STIMATE: variants seen among roughly 807,000 people sequenced by gnomAD.
STIMATE encodes STIM activating enhancer.
A neutral mutation model predicts 36.7 loss-of-function variants in STIMATE; 15 were observed. That is an observed-to-expected ratio of 0.41 (90% CI 0.27 to 0.63). STIMATE has a LOEUF of 0.63. STIMATE is among the 20% of genes least tolerant of loss of function. The pLI, the probability that STIMATE is intolerant of heterozygous loss-of-function variation, is 0.32. For missense variants in STIMATE, 305 were observed against 397.3 expected (o/e 0.77, Z 1.98); for synonymous variants, 163 against 162.3 (o/e 1.00, Z -0.03).
chr3:52,897,212 G>A (rs1361108436), intron 1 of STIMATE, 79 bp downstream of exon 1: 3 of 1,502,998 alleles, frequency 2.0e-6, no homozygotes, highest in Middle Eastern at 2.0e-4. Context: ...TGAACTCTCC[G>A]CGCAGGAGGG....
chr3:52,893,858 G>A (rs1431420915), intron 1 of STIMATE, among the ~76,000 whole-genome samples: 5 of 152,150 alleles, frequency 3.3e-5, no homozygotes, highest in Non-Finnish European at 5.9e-5. Flanking sequence ...GACTGTGCAC[G>A]GTGAGGGAGG....
At chr3:52,853,241 AG>A (rs1456716636) in intron 2 of STIMATE, among the ~76,000 whole-genome samples, 6 of 152,234 alleles carry the variant, frequency 3.9e-5, no homozygotes, top group African/African-American at 1.4e-4. Context: ...CTGCCGCTAG[AG>A]AATGATGCAG....
chr3:52,858,446 G>A (rs1325467223), intron 1 of STIMATE, among the ~76,000 whole-genome samples: 1 of 151,952 alleles, frequency 6.6e-6, no homozygotes, highest in Non-Finnish European at 1.5e-5. Context: ...AACACCGTGA[G>A]ACTCCATCCT....
intron 1 of STIMATE, among the ~76,000 whole-genome samples, chr3:52,889,198 G>T (rs1186556235): frequency 6.6e-6 from 1 of 152,208 alleles, no homozygotes; most frequent in African/African-American, 2.4e-5. Flanking sequence ...CTATCCTGCC[G>T]TAGTAGGTAC....
At chr3:52,869,569 T>C (rs1701367105) in intron 1 of STIMATE, among the ~76,000 whole-genome samples, 1 of 152,236 alleles carries the variant, frequency 6.6e-6, no homozygotes, top group African/African-American at 2.4e-5. Context: ...CCAAAGTCTC[T>C]TATGCACATC....
At chr3:52,860,298 G>A (rs1047725643) in intron 1 of STIMATE, among the ~76,000 whole-genome samples, 1 of 152,098 alleles carries the variant, frequency 6.6e-6, no homozygotes, top group Non-Finnish European at 1.5e-5. Context: ...GCCAAGCATG[G>A]AGGTAAACAC....
At chr3:52,886,210 A>G (rs1445350268) in intron 1 of STIMATE, among the ~76,000 whole-genome samples, 1 of 152,234 alleles carries the variant, frequency 6.6e-6, no homozygotes, top group Non-Finnish European at 1.5e-5. Flanking sequence ...ATGGTGTTTA[A>G]GACCTCCACA....
intron 2 of STIMATE, 78 bp from the exon 3 acceptor site, chr3:52,852,776 A>C: frequency 6.4e-7 from 1 of 1,562,558 alleles, no homozygotes; most frequent in Non-Finnish European, 8.7e-7. Context: ...AGAAGACTGA[A>C]ACAGGAAGAA....
chr3:52,897,176 G>A (rs1701878563), intron 1 of STIMATE, 115 bp downstream of exon 1: 4 of 1,353,284 alleles, frequency 3.0e-6, no homozygotes, highest in Middle Eastern at 2.5e-4. Flanking sequence ...GGTTTGCGGG[G>A]GAGGAGCAAT....
At chr3:52,855,560 A>G (rs757723681) in intron 1 of STIMATE, 116 bp from the exon 2 acceptor site, 8 of 1,409,678 alleles carry the variant, frequency 5.7e-6, no homozygotes, top group Non-Finnish European at 7.9e-6. Flanking sequence ...TAATACACAC[A>G]CTCTTTTAAC....
chr3:52,882,529 C>T (rs1250955467), intron 1 of STIMATE, among the ~76,000 whole-genome samples: 1 of 152,158 alleles, frequency 6.6e-6, no homozygotes, highest in Non-Finnish European at 1.5e-5. Context: ...TGCTGCTTTG[C>T]TTTCAAATTC....
At position 52,842,792 on chromosome 3, in the gene STIMATE, AGAG is replaced by A. The variant is rs767787105; in HGVS notation, c.768+16_768+18del. On this transcript the variant is annotated intron_variant, in intron 7 of 7. Coordinates refer to ENST00000355083, the MANE Select transcript of STIMATE (RefSeq NM_198563.5). ...GCGATACGACGGCTTGGGCCCTTGG[AGAG>A]TCAGGGAGGCCCTACCTCAGACTCA... The A allele has an allele frequency of 3.2e-5, 52 of 1,613,836 alleles. No individual in the cohort carries two copies. The highest frequency in any genetic ancestry group is 3.4e-6 in the Non-Finnish European group (4 of 1,179,980).
At chr3:52,895,845 A>G in intron 1 of STIMATE, 2 of 1,266,462 alleles carry the variant, frequency 1.6e-6, no homozygotes, top group Non-Finnish European at 2.1e-6. Context: ...TCTGGAGGAC[A>G]GAGAAGTAGG....
chr3:52,893,772 A>G (rs1701820693), intron 1 of STIMATE, among the ~76,000 whole-genome samples: 1 of 152,268 alleles, frequency 6.6e-6, no homozygotes, highest in African/African-American at 2.4e-5. Context: ...AAAAATAGGC[A>G]GGCAGATTTA....
intron 1 of STIMATE, among the ~76,000 whole-genome samples, chr3:52,876,117 T>TA (rs1410640398): frequency 6.6e-6 from 1 of 152,252 alleles, no homozygotes; most frequent in Non-Finnish European, 1.5e-5. Flanking sequence ...CTGGTGGCCC[T>TA]AGACACTTAA....
rs117483204 is a variant in STIMATE at position 52,850,532 on chromosome 3, A to C, written c.306-619T>G. 1.1e-4 allele frequency among the ~76,000 whole-genome samples: 16 copies of C among 152,348 alleles called. No individual in the cohort carries two copies. The East Asian group carries it at 3.1e-3, about 29-fold the overall frequency. The stretch of plus-strand genomic sequence containing the variant: ...GCAGCCAGGGAAATCAACAGGAAAC[A>C]GAACTTAACTGATGACAGAAACACC... On this transcript the variant is annotated intron_variant, in intron 3 of 7. Transcript: ENST00000355083.
intron 1 of STIMATE, among the ~76,000 whole-genome samples, chr3:52,866,359 G>A (rs577587167): frequency 6.6e-6 from 1 of 152,350 alleles, no homozygotes; most frequent in African/African-American, 2.4e-5. Flanking sequence ...TGCGGGGCTT[G>A]CCACCGTCTA....
At chr3:52,865,435 G>A (rs899905079) in intron 1 of STIMATE, among the ~76,000 whole-genome samples, 1 of 151,886 alleles carries the variant, frequency 6.6e-6, no homozygotes, top group Non-Finnish European at 1.5e-5. Context: ...CCAAGACTGG[G>A]AAGAAAAAGA....
intron 1 of STIMATE, among the ~76,000 whole-genome samples, chr3:52,859,447 G>A (rs1283103143): frequency 2.6e-5 from 3 of 115,816 alleles, no homozygotes; most frequent in Admixed American, 2.3e-4. Flanking sequence ...CATGAAGATC[G>A]CCTGAGGCCA....
Sources: gnomAD v4.1 joint callset for allele counts (sites outside exome capture counted in the v4.1 genomes callset) on GRCh38, gnomAD v4.1.1 for gene constraint, MANE v1.5 for transcripts, NCBI Gene and HGNC (gene_info 2026-07-23, HGNC 2026-07-21) for gene names.